TNRC6C: variants seen among roughly 807,000 people sequenced by gnomAD.
TNRC6C encodes the protein trinucleotide repeat-containing gene 6C protein.
A neutral mutation model predicts 153.7 loss-of-function variants in TNRC6C; 20 were observed. That is an observed-to-expected ratio of 0.13 (90% CI 0.09 to 0.19). The LOEUF (loss-of-function observed/expected upper bound fraction) is 0.19. Among genes scored for constraint, TNRC6C ranks in the 10% least tolerant of loss-of-function variants. TNRC6C has a pLI of 1.00. For missense variants in TNRC6C, 1,987 were observed against 2,172.0 expected, an observed-to-expected ratio of 0.91 and a Z score of 1.69; for synonymous variants, 811 against 841.4, an observed-to-expected ratio of 0.96 and a Z score of 0.63.
Position 78,077,181 on chromosome 17 carries a change from T to G in TNRC6C, c.3061-4T>G. The G allele has an allele frequency of 6.3e-7, 1 of 1,598,718 alleles. No homozygotes were observed. The highest frequency in any genetic ancestry group is 8.5e-7 in the Non-Finnish European group (1 of 1,173,484). The stretch of plus-strand genomic sequence containing the variant: ...CACAGCTCACCCTTTCTTTCTCCAA[T>G]CAGGATGGCGGCCTCGTGGAAGAGC... On this transcript the variant is annotated splice_polypyrimidine_tract_variant and splice_region_variant and intron_variant, in intron 8 of 19. Transcript: ENST00000301624.
rs774736962 is a variant in TNRC6C at position 78,086,833 on chromosome 17, C to T, written c.3562-20C>T. The T allele has an allele frequency of 1.2e-6, 2 of 1,609,572 alleles. No individual in the cohort carries two copies. The highest frequency in any genetic ancestry group is 2.2e-5 in the East Asian group (1 of 44,864). On this transcript the variant is annotated intron_variant, in intron 12 of 19. Transcript: ENST00000301624. ...TGTCCCTTCCCACCTAGTTAACGCA[C>T]CTATGTCTCTGCCTGCCAGGTTGCG...
intron 1 of TNRC6C, among the ~76,000 whole-genome samples, chr17:78,016,668 C>T (rs1427943522): frequency 6.6e-6 from 1 of 152,108 alleles, no homozygotes; most frequent in Non-Finnish European, 1.5e-5. Context: ...TCTCTGCCTG[C>T]CTTCCCTTCT....
At chr17:78,057,097 CAA>C (rs2072674191) in intron 3 of TNRC6C, among the ~76,000 whole-genome samples, 1 of 152,162 alleles carries the variant, frequency 6.6e-6, no homozygotes, top group Non-Finnish European at 1.5e-5. Context: ...AAAAGTTACA[CAA>C]ATTTTTTTCC....
intron 4 of TNRC6C, among the ~76,000 whole-genome samples, chr17:78,066,104 G>A (rs1004111911): frequency 5.9e-5 from 9 of 151,860 alleles, no homozygotes; most frequent in Admixed American, 1.3e-4. Flanking sequence ...AGTGATGAGC[G>A]CCTCTAATCC....
In TNRC6C at chr17:78,091,325, TC is replaced by T; in HGVS notation, c.3803-114del. ...TGGGCATCAAGAGCAAGACTCCGTC[TC>T]AAAAAAAAAAAAAAATTTGCTGTAA... On this transcript the variant is annotated intron_variant, in intron 13 of 19. Transcript: ENST00000301624. The T allele has an allele frequency of 3.5e-6, 3 of 861,360 alleles. No homozygotes were observed. The South Asian group carries it at 7.3e-5, about 21-fold the overall frequency. The allele number at this position is 861,360 out of a possible 1,614,324, so 53.4% of individuals were successfully genotyped here.
chr17:77,959,693 G>A (rs568743917), intron 1 of TNRC6C, among the ~76,000 whole-genome samples: 1 of 152,278 alleles, frequency 6.6e-6, no homozygotes, highest in African/African-American at 2.4e-5. Flanking sequence ...AACCCGGGGC[G>A]TGCTGCGGGT....
upstream of TNRC6C, among the ~76,000 whole-genome samples, chr17:78,001,911 G>A (rs1043509835): frequency 2.0e-5 from 3 of 152,096 alleles, no homozygotes; most frequent in African/African-American, 7.2e-5. Flanking sequence ...ACAAATGTAT[G>A]TTGATCATGT....
intron 2 of TNRC6C, among the ~76,000 whole-genome samples, chr17:78,039,778 C>T (rs2072256561): frequency 6.6e-6 from 1 of 152,204 alleles, no homozygotes; most frequent in South Asian, 2.1e-4. Context: ...AGAGGGGAGC[C>T]TACAACAAGC....
chr17:77,999,406 C>T (rs117963581), upstream of TNRC6C, among the ~76,000 whole-genome samples: 21 of 152,334 alleles, frequency 1.4e-4, no homozygotes, highest in Middle Eastern at 6.8e-3. Flanking sequence ...ATTTTAACTC[C>T]TCTTCCCAAA....
intron 14 of TNRC6C, 63 bp downstream of exon 16, chr17:78,091,670 T>C (rs2041794102): frequency 4.5e-6 from 6 of 1,341,540 alleles, no homozygotes; most frequent in Non-Finnish European, 5.8e-6. Context: ...ATCGTCCTGT[T>C]GTATAGCATG....
intron 1 of TNRC6C, among the ~76,000 whole-genome samples, chr17:77,961,588 G>A (rs1300841714): frequency 6.6e-6 from 1 of 152,208 alleles, no homozygotes; most frequent in Non-Finnish European, 1.5e-5. Context: ...ATATGTAAGT[G>A]TTGGTTTTAG....
intron 1 of TNRC6C, among the ~76,000 whole-genome samples, chr17:77,976,857 T>A (rs2071005103): frequency 7.8e-6 from 1 of 128,696 alleles, no homozygotes; most frequent in Non-Finnish European, 1.6e-5. Context: ...TGAATCCAGG[T>A]GGTGGAGGTT....
chr17:78,005,167 T>TA (rs2143205915), intron 1 of TNRC6C, 88 bp downstream of exon 3: 2 of 888,400 alleles, frequency 2.3e-6, no homozygotes, highest in South Asian at 5.8e-5. Flanking sequence ...AATTGATGGT[T>TA]AAAAAACGAG....
chr17:77,992,142 A>C (rs2071260682), intron 1 of TNRC6C, among the ~76,000 whole-genome samples: 2 of 152,280 alleles, frequency 1.3e-5, no homozygotes, highest in South Asian at 4.1e-4. Flanking sequence ...CTGCCCTAGT[A>C]TCTTTGCAGT....
chr17:78,030,227 G>A (rs746431810), intron 1 of TNRC6C, among the ~76,000 whole-genome samples: 41 of 151,992 alleles, frequency 2.7e-4, no homozygotes, highest in Non-Finnish European at 3.7e-4. Context: ...TCGGCTCACT[G>A]CAACCTCCAC....
Position 78,057,317 on chromosome 17 carries a change from G to A in TNRC6C, c.2395+5860G>A, listed in dbSNP as rs550134191. 4.6e-5 allele frequency among the ~76,000 whole-genome samples: 7 copies of A among 152,332 alleles called. No homozygotes were observed. The East Asian group carries it at 9.6e-4, about 21-fold the overall frequency. ...AACCAAGCCTTCTTTTGCAGTGAGA[G>A]CAAAGTTCATCACCCTTAAGAATTA... On this transcript the variant is annotated intron_variant, in intron 3 of 19. Coordinates refer to ENST00000301624, the Ensembl canonical transcript of TNRC6C.
chr17:78,102,332 C>T, intron 17 of TNRC6C, 142 bp from the exon 21 acceptor site: 1 of 689,000 alleles, frequency 1.5e-6, no homozygotes, highest in Middle Eastern at 4.2e-4. Context: ...ATAGCATGGG[C>T]CTCCCAGGCT....
At chr17:78,085,832 T>C (rs926796109) in intron 11 of TNRC6C, among the ~76,000 whole-genome samples, 9 of 144,426 alleles carry the variant, frequency 6.2e-5, no homozygotes, top group African/African-American at 2.2e-4. Context: ...ATAGAATAGG[T>C]TGGTTTTTTG....
In TNRC6C at chr17:78,089,540, C is replaced by T. The variant is rs546857220; in HGVS notation, c.3803-1900C>T. Among the ~76,000 whole-genome samples the T allele has an allele frequency of 1.4e-4, 22 of 152,242 alleles. No individual in the cohort carries two copies. In the East Asian group the frequency reaches 2.1e-3, roughly 15 times the overall value. On this transcript the variant is annotated intron_variant, in intron 13 of 19. Transcript: ENST00000301624. Reference sequence around the variant, plus strand: ...AATTCATGTAAAGAAACCAGCAGCCCATGGTCAGTAGTGGGGGCTCCTAGC... The same window carrying T: ...AATTCATGTAAAGAAACCAGCAGCCTATGGTCAGTAGTGGGGGCTCCTAGC...
Sources: allele counts gnomAD v4.1 joint callset (sites outside exome capture counted in the v4.1 genomes callset), GRCh38; gene constraint gnomAD v4.1.1; transcripts MANE v1.5; gene names NCBI Gene and HGNC (gene_info 2026-07-23, HGNC 2026-07-21).